MKNK2: variants seen among roughly 807,000 people sequenced by gnomAD.
MKNK2 encodes the protein MAP kinase-interacting serine/threonine-protein kinase 2.
A neutral mutation model predicts 55.0 loss-of-function variants in MKNK2; 54 were observed. That is an observed-to-expected ratio of 0.98 (90% CI 0.79 to 1.23). MKNK2 has a LOEUF of 1.23. Ranked by LOEUF, MKNK2 falls within the 50% of genes most tolerant of loss-of-function variation. The pLI is 0.00. For synonymous variants in MKNK2, 323 were observed against 256.0 expected, an observed-to-expected ratio of 1.26 and a Z score of -2.50; for missense variants, 685 against 632.1, an observed-to-expected ratio of 1.08 and a Z score of -0.90.
At chr19:2,045,276 C>T (rs2016973137) in intron 5 of MKNK2, among the ~76,000 whole-genome samples, 1 of 152,168 alleles carries the variant, frequency 6.6e-6, no homozygotes, top group African/African-American at 2.4e-5. Context: ...CCCCCTGAGC[C>T]TCAGTGTCCC....
Position 2,039,079 on chromosome 19 carries a change from G to A in MKNK2, c.*534C>T. ...TGCCTGACACCTCCAGAGACAGGCA[G>A]CCCCTCCCTTCCCCAACCAAGCCAC... On this transcript the variant is annotated 3_prime_UTR_variant, in exon 14 of 14. Coordinates refer to ENST00000250896, the MANE Select transcript of MKNK2 (RefSeq NM_199054.3). The A allele has an allele frequency of 1.0e-6, 1 of 986,968 alleles. No homozygotes were observed. The highest frequency in any genetic ancestry group is 1.2e-6 in the Non-Finnish European group (1 of 830,692). 61.1% of individuals were successfully genotyped at this position (986,968 alleles called of 1,614,324 possible).
chr19:2,039,765 C>T lies in MKNK2; in HGVS notation c.1246G>A (p.Glu416Lys), dbSNP rs142610986. ...GGCTGGCCCTGCCCCGCGGCCTCCTCCTCAGCCAGGTCCTCGTCGTGCTGG... is the reference window on the plus strand; with the variant it reads ...GGCTGGCCCTGCCCCGCGGCCTCCTTCTCAGCCAGGTCCTCGTCGTGCTGG... ...LAQHDEDLAE[E>K]EAAGQGQPVL... The change falls in exon 14 of 14, where the codon GAG becomes AAG. Residue 416 changes from glutamate (E) to lysine (K), a missense_variant. Coordinates refer to ENST00000250896, the MANE Select transcript of MKNK2 (RefSeq NM_199054.3). 586 of 1,609,030 alleles carry T rather than the reference C, an allele frequency of 3.6e-4. 1 individual carries two copies. Among genetic ancestry groups the T allele is most frequent in the Admixed American group, 7.2e-4 (43 of 59,986 alleles).
rs927059160 is a variant in MKNK2 at position 2,039,043 on chromosome 19, T to C, written c.*570A>G. 6 of 986,448 alleles carry C rather than the reference T, an allele frequency of 6.1e-6. No individual in the cohort carries two copies. The East Asian group carries it at 6.8e-4, about 112-fold the overall frequency. 61.1% of individuals were successfully genotyped at this position (986,448 alleles called of 1,614,324 possible). ...CCATGGGGTGGGTGGGTGAGCTGCC[T>C]GCCACCTGCCTGCCTGACACCTCCA... is the stretch of plus-strand genomic sequence containing the variant. On this transcript the variant is annotated 3_prime_UTR_variant, in exon 14 of 14. Coordinates refer to ENST00000250896, the MANE Select transcript of MKNK2 (RefSeq NM_199054.3).
rs2016832903 is a variant in MKNK2 at position 2,039,715 on chromosome 19, G to A, written c.1296C>T (p.Arg432=). Residue 432 remains arginine (R), a synonymous_variant, in exon 14 of 14, where the codon CGC becomes CGT. Coordinates refer to ENST00000250896, the MANE Select transcript of MKNK2 (RefSeq NM_199054.3). ...GQPVLVRATS[R]CLQLSPPSQS... The stretch of plus-strand genomic sequence containing the variant: ...GGGAGGGTGGAGACAGCTGCAGGCA[G>A]CGTGAGGTAGCTCGGACCAGGACGG... The A allele has an allele frequency of 3.1e-6, 5 of 1,612,204 alleles. No individual in the cohort carries two copies. The East Asian group carries it at 1.1e-4, about 36-fold the overall frequency.
At chr19:2,041,291 C>T (rs1344772011) in intron 11 of MKNK2, 87 bp from the exon 12 acceptor site, 2 of 1,457,330 alleles carry the variant, frequency 1.4e-6, no homozygotes, top group South Asian at 1.3e-5. Flanking sequence ...GGACCCCAAC[C>T]AGGCCCTAGA....
intron 13 of MKNK2, 124 bp downstream of exon 13, chr19:2,040,010 C>G: frequency 7.2e-7 from 1 of 1,393,362 alleles, no homozygotes. Flanking sequence ...GGGAGCTTCA[C>G]TGAGTCACCA....
In MKNK2 at chr19:2,038,379, G is replaced by T. The variant is rs527674710; in HGVS notation, c.*1234C>A. 9.1e-6 allele frequency: 9 copies of T among 986,282 alleles called. No individual in the cohort carries two copies. The African/African-American group carries it at 1.2e-4, about 13-fold the overall frequency. The allele number at this position is 986,282 out of a possible 1,614,324, so 61.1% of individuals were successfully genotyped here. On this transcript the variant is annotated 3_prime_UTR_variant, in exon 14 of 14. Transcript: ENST00000250896. ...GGAAGGGCGGGCGGTGACCCTAGCC[G>T]CGCGCACTTCTAAAGTGGAACCCTG...
At position 2,046,291 on chromosome 19, in the gene MKNK2, G is replaced by T; in HGVS notation, c.242-8C>A. The T allele has an allele frequency of 6.2e-7, 1 of 1,603,528 alleles. No homozygotes were observed. Among genetic ancestry groups the T allele is most frequent in the Non-Finnish European group, 8.5e-7 (1 of 1,179,828 alleles). Reference sequence around the variant, plus strand: ...CCTGCAGCTGGTAGACGTCTGCCGGGCAGCGGGGCGGGCGTGAGAGGGACC... The same window carrying T: ...CCTGCAGCTGGTAGACGTCTGCCGGTCAGCGGGGCGGGCGTGAGAGGGACC... On this transcript the variant is annotated splice_region_variant and splice_polypyrimidine_tract_variant and intron_variant, in intron 4 of 13. Transcript: ENST00000250896.
intron 12 of MKNK2, 154 bp downstream of exon 12, chr19:2,040,886 G>T: frequency 1.3e-6 from 1 of 769,664 alleles, no homozygotes; most frequent in East Asian, 2.7e-5. Context: ...GGGGATTTCG[G>T]CTGCACCCCT....
At chr19:2,044,848 G>A (rs1194005684) in intron 5 of MKNK2, among the ~76,000 whole-genome samples, 1 of 152,160 alleles carries the variant, frequency 6.6e-6, no homozygotes, top group Admixed American at 6.5e-5. Context: ...TTCAGGGAGG[G>A]GGCGCAGCCC....
intron 2 of MKNK2, among the ~76,000 whole-genome samples, chr19:2,050,575 G>A (rs923175023): frequency 1.3e-5 from 2 of 152,336 alleles, no homozygotes; most frequent in African/African-American, 2.4e-5. Context: ...GGTCCTGGAG[G>A]AAGGACCCGG....
At position 2,041,082 on chromosome 19, in the gene MKNK2, C is replaced by A; in HGVS notation, c.1068G>T (p.Arg356Ser). Residue 356 changes from arginine (R) to serine (S), a missense_variant, in exon 12 of 14, where the codon AGG (arginine) becomes AGT (serine). Arg to Ser is a moderately radical substitution (Grantham distance 110). Coordinates refer to ENST00000250896, the MANE Select transcript of MKNK2 (RefSeq NM_199054.3). ...GCTGCAGGACTTGGGCGGCACTCAGCCTCTGCTTGGCGTCACGGACCAGCA... is the reference window on the plus strand; with the variant it reads ...GCTGCAGGACTTGGGCGGCACTCAGACTCTGCTTGGCGTCACGGACCAGCA... ...SKLLVRDAKQ[R>S]LSAAQVLQHP... 2 of 1,614,062 alleles carry A rather than the reference C, an allele frequency of 1.2e-6. No individual in the cohort carries two copies. The highest frequency in any genetic ancestry group is 1.7e-6 in the Non-Finnish European group (2 of 1,179,960).
chr19:2,041,641 G>T (rs562887915), intron 11 of MKNK2, among the ~76,000 whole-genome samples, 199 bp downstream of exon 11: 2 of 152,110 alleles, frequency 1.3e-5, no homozygotes, highest in South Asian at 2.1e-4. Flanking sequence ...GGTCCCCAGG[G>T]GTTAGGGGGA....
Position 2,037,993 on chromosome 19 carries a change from C to T in MKNK2, c.*1620G>A, listed in dbSNP as rs2016788935. ...TACGAAACATGGAATCACTGACAGG[C>T]GAGAAGTGATGGGGGAAAGGGGTGG... is the stretch of plus-strand genomic sequence containing the variant. On this transcript the variant is annotated 3_prime_UTR_variant, in exon 14 of 14. Coordinates refer to ENST00000250896, the MANE Select transcript of MKNK2 (RefSeq NM_199054.3). The T allele has an allele frequency of 6.6e-6, 9 of 1,366,750 alleles. No homozygotes were observed. Among genetic ancestry groups the T allele is most frequent in the Admixed American group, 2.9e-5 (1 of 34,332 alleles). The allele number at this position is 1,366,750 out of a possible 1,614,324, so 84.7% of individuals were successfully genotyped here. A position where few individuals can be genotyped will look rare whatever the true frequency, so the allele number is the denominator to read the frequency against.
chr19:2,043,381 G>A, intron 6 of MKNK2, 122 bp downstream of exon 6: 1 of 1,074,512 alleles, frequency 9.3e-7, no homozygotes, highest in Non-Finnish European at 1.4e-6. Flanking sequence ...TCAGGGAGGG[G>A]AATGCAGGGC....
At position 2,043,547 on chromosome 19, in the gene MKNK2, C is replaced by G. The variant is rs913340944; in HGVS notation, c.375G>C (p.Arg125Ser). The change falls in exon 6 of 14, where the codon AGG (arginine) becomes AGC (serine). Residue 125 changes from arginine to serine, a missense_variant. Coordinates refer to ENST00000250896, the MANE Select transcript of MKNK2 (RefSeq NM_199054.3). The part of the protein sequence containing the change: ...IEKQPGHIRS[R>S]VFREVEMLYQ... The stretch of plus-strand genomic sequence containing the variant: ...ACAGCATCTCCACCTCCCTGAAAAC[C>G]CTGCTCCGAATGTGGCCTGGCTGCT... 1 of 1,614,088 alleles carries G rather than the reference C, an allele frequency of 6.2e-7. No homozygotes were observed. The highest frequency in any genetic ancestry group is 1.1e-5 in the South Asian group (1 of 91,080).
At chr19:2,050,778 C>A (rs1460084794) in intron 2 of MKNK2, 23 bp downstream of exon 2, 1 of 1,534,094 alleles carries the variant, frequency 6.5e-7, no homozygotes, top group Non-Finnish European at 8.8e-7. Context: ...CCGGAGCGCC[C>A]CCAAACCGAC....
chr19:2,049,562 G>A (rs1048436865), intron 2 of MKNK2, among the ~76,000 whole-genome samples: 5 of 152,326 alleles, frequency 3.3e-5, no homozygotes, highest in African/African-American at 1.2e-4. Context: ...CACTGTTCTA[G>A]GTCTGGCTGT....
chr19:2,047,578 G>T (rs944673789), intron 2 of MKNK2, among the ~76,000 whole-genome samples: 1 of 152,088 alleles, frequency 6.6e-6, no homozygotes, highest in Non-Finnish European at 1.5e-5. Flanking sequence ...AAAGGCAGCG[G>T]GGCAGTGGGA....
Sources: allele counts gnomAD v4.1 joint callset (sites outside exome capture counted in the v4.1 genomes callset), GRCh38; gene constraint gnomAD v4.1.1; transcripts MANE v1.5; gene names NCBI Gene and HGNC (gene_info 2026-07-23, HGNC 2026-07-21).